Variants in PIK3R5 observed in about 807,000 individuals in gnomAD.
PIK3R5 encodes the protein phosphoinositide-3-kinase regulatory subunit 5.
PIK3R5 carries 32 observed loss-of-function variants against 94.9 expected under a neutral mutation model. The ratio of observed to expected loss-of-function variants is 0.34; its 90% confidence interval spans 0.25 to 0.45. The LOEUF (loss-of-function observed/expected upper bound fraction) is 0.45, where lower values mean the gene tolerates loss of function less well. PIK3R5 is among the 20% of genes least tolerant of loss of function. The pLI is 1.00. For missense variants in PIK3R5, 853 were observed against 1,144.6 expected (o/e 0.75, Z 3.68); for synonymous variants, 443 against 479.4 (o/e 0.92, Z 0.99).
At position 8,886,546 on chromosome 17, in the gene PIK3R5, C is replaced by T. The variant is rs1322314134; in HGVS notation, c.1965G>A (p.Leu655=). Residue 655 remains leucine (L), a synonymous_variant, in exon 13 of 19, where the codon CTG becomes CTA. Transcript: ENST00000447110. ...GGCAGTAGTAGAGTAGCATGTCAGC[C>T]AGGATGGGCAGCTGGGTTGGGGAGC... is the stretch of plus-strand genomic sequence containing the variant. ...LEGSPTQLPI[L]ADMLLYYCRF... is the part of the protein sequence containing the mutation. 2 of 1,612,342 alleles carry T rather than the reference C, an allele frequency of 1.2e-6. No individual in the cohort carries two copies. The highest frequency in any genetic ancestry group is 1.7e-6 in the Non-Finnish European group (2 of 1,179,220).
At chr17:8,959,009 C>T (rs569248968) in intron 1 of PIK3R5, among the ~76,000 whole-genome samples, 75 of 152,262 alleles carry the variant, frequency 4.9e-4, no homozygotes, top group African/African-American at 1.6e-3. Context: ...CTGCCCGCCT[C>T]GGCCTCCCAA....
rs372323615 is a variant in PIK3R5 at position 8,925,342 on chromosome 17, TGATA to T, written c.-13-13839_-13-13836del. Reference sequence around the variant, plus strand: ...GATAGTAGATGGATAGACAGTAGATTGATAGATAGATGGATTGATAGATAGTAGA... The same window carrying T: ...GATAGTAGATGGATAGACAGTAGATTGATAGATGGATTGATAGATAGTAGA... On this transcript the variant is annotated intron_variant, in intron 1 of 18. Coordinates refer to ENST00000447110, the MANE Select transcript of PIK3R5 (RefSeq NM_001142633.3). This position sits in a 1 kb window ranked among gnomAD's most constrained non-coding sequence, Gnocchi z 5.1. 2.1e-3 allele frequency among the ~76,000 whole-genome samples: 306 copies of T among 148,940 alleles called. 3 individuals carry two copies. Among genetic ancestry groups the T allele is most frequent in the African/African-American group, 4.1e-3 (163 of 40,118 alleles).
intron 5 of PIK3R5, among the ~76,000 whole-genome samples, chr17:8,900,527 G>A (rs1481987883): frequency 6.6e-6 from 1 of 152,220 alleles, no homozygotes; most frequent in Admixed American, 6.5e-5. Context: ...CTGCCCTCTT[G>A]GGGCATCTGA....
At chr17:8,937,945 G>A (rs956139007) in intron 1 of PIK3R5, among the ~76,000 whole-genome samples, 2 of 152,176 alleles carry the variant, frequency 1.3e-5, no homozygotes, top group Non-Finnish European at 2.9e-5. Context: ...GAGTAGCTGG[G>A]ATTACAGGCA....
At chr17:8,952,098 A>C (rs2091387402) in intron 1 of PIK3R5, among the ~76,000 whole-genome samples, 1 of 152,248 alleles carries the variant, frequency 6.6e-6, no homozygotes, top group East Asian at 1.9e-4. Context: ...ATGTTGAAGA[A>C]GGCAGAGCAA....
chr17:8,950,869 C>T (rs755115530), intron 1 of PIK3R5, among the ~76,000 whole-genome samples: 1 of 152,166 alleles, frequency 6.6e-6, no homozygotes, highest in Non-Finnish European at 1.5e-5. Context: ...TTTGAGAAAT[C>T]TCCAAACTGC....
chr17:8,947,911 C>T (rs1000864215), intron 1 of PIK3R5, among the ~76,000 whole-genome samples: 4 of 151,760 alleles, frequency 2.6e-5, no homozygotes, highest in East Asian at 1.9e-4. Context: ...GGTGTGGTGG[C>T]GGGCGCCTGT....
intron 1 of PIK3R5, among the ~76,000 whole-genome samples, chr17:8,936,163 A>G (rs2091072714): frequency 6.6e-6 from 1 of 152,068 alleles, no homozygotes; most frequent in Non-Finnish European, 1.5e-5. Flanking sequence ...GAGTTCCTAT[A>G]TACTCCCTCT....
At chr17:8,885,714 C>T (rs1204968249) in intron 14 of PIK3R5, among the ~76,000 whole-genome samples, 5 of 103,900 alleles carry the variant, frequency 4.8e-5, no homozygotes, top group Non-Finnish European at 7.7e-5. Context: ...CCCATGGCCC[C>T]ACCTCCTGGG....
At chr17:8,933,013 A>G (rs1053436135) in intron 1 of PIK3R5, among the ~76,000 whole-genome samples, 2 of 152,194 alleles carry the variant, frequency 1.3e-5, no homozygotes, top group African/African-American at 4.8e-5. Context: ...GACACATTGT[A>G]TGTAGAAAAC....
rs1458057392 is a variant in PIK3R5, at chr17:8,911,423, G to C, written c.72C>G (p.Leu24=). Residue 24 remains leucine (L), a synonymous_variant, in exon 2 of 19, where the codon CTC becomes CTG. Transcript: ENST00000447110. This position sits in a 1 kb window ranked among gnomAD's most constrained non-coding sequence, Gnocchi z 5.3. ...AGGAGGTGGAGCGGCGGCTGAGGCT[G>C]AGTCCATGCAGGCAGCGTTCCAGGG... ...QHALERCLHG[L]SLSRRSTSWS... is the part of the protein sequence containing the mutation. 6.3e-7 allele frequency: 1 copy of C among 1,599,960 alleles called. No individual in the cohort carries two copies. Among genetic ancestry groups the C allele is most frequent in the African/African-American group, 1.3e-5 (1 of 75,044 alleles).
At chr17:8,964,224 T>G (rs987740496) in intron 1 of PIK3R5, among the ~76,000 whole-genome samples, 1 of 152,004 alleles carries the variant, frequency 6.6e-6, no homozygotes, top group African/African-American at 2.4e-5. Flanking sequence ...AAACCCTGCC[T>G]CTACAAAAAA....
rs895034576 is a variant in PIK3R5, at chr17:8,909,318, T to G, written c.104-144A>C. 4 of 580,430 alleles carry G rather than the reference T, an allele frequency of 6.9e-6. No homozygotes were observed. The highest frequency in any genetic ancestry group is 3.8e-5 in the African/African-American group (2 of 52,946). 36.0% of individuals were successfully genotyped at this position (580,430 alleles called of 1,614,324 possible). ...ACTCTTTTTTTTTTTTGAGACAGAG[T>G]CTTGCTCTGTCGCCAGGCTGGAGTG... is the stretch of plus-strand genomic sequence containing the variant. On this transcript the variant is annotated intron_variant, in intron 2 of 18. Coordinates refer to ENST00000447110, the MANE Select transcript of PIK3R5 (RefSeq NM_001142633.3). This position sits in a 1 kb window ranked among gnomAD's most constrained non-coding sequence, Gnocchi z 4.3.
At chr17:8,929,553 T>C (rs1011182327) in intron 1 of PIK3R5, among the ~76,000 whole-genome samples, 1 of 151,926 alleles carries the variant, frequency 6.6e-6, no homozygotes. Context: ...AAGCAAAAAC[T>C]GAGAGAACAG....
chr17:8,920,531 T>C (rs1160996151), intron 1 of PIK3R5, among the ~76,000 whole-genome samples: 1 of 152,232 alleles, frequency 6.6e-6, no homozygotes, highest in Non-Finnish European at 1.5e-5. Flanking sequence ...GATCGCACTC[T>C]CCTTGCTGCC....
At position 8,935,334 on chromosome 17, in the gene PIK3R5, T is replaced by C. The variant is rs1357348564; in HGVS notation, c.-13-23827A>G. Reference sequence around the variant, plus strand: ...CCCGCCCAAATATAGGCCCATGATGTTATGACCATATGAGCAATAGGGGAT... The same window carrying C: ...CCCGCCCAAATATAGGCCCATGATGCTATGACCATATGAGCAATAGGGGAT... On this transcript the variant is annotated intron_variant, in intron 1 of 18. Transcript: ENST00000447110. The surrounding 1 kb of genome is among the most constrained non-coding windows in gnomAD (Gnocchi z 4.5). Among the ~76,000 whole-genome samples the C allele has an allele frequency of 6.6e-6, 1 of 152,166 alleles. No individual in the cohort carries two copies. Among genetic ancestry groups the C allele is most frequent in the Non-Finnish European group, 1.5e-5 (1 of 68,032 alleles).
rs2091061426 is a variant in PIK3R5 at position 8,935,769 on chromosome 17, ACAAGGCCACG to A, written c.-13-24272_-13-24263del. Among the ~76,000 whole-genome samples, 1 of 152,064 alleles carries A rather than the reference ACAAGGCCACG, an allele frequency of 6.6e-6. No individual in the cohort carries two copies. Among genetic ancestry groups the A allele is most frequent in the Non-Finnish European group, 1.5e-5 (1 of 67,998 alleles). On this transcript the variant is annotated intron_variant, in intron 1 of 18. Coordinates refer to ENST00000447110, the MANE Select transcript of PIK3R5 (RefSeq NM_001142633.3). This position sits in a 1 kb window ranked among gnomAD's most constrained non-coding sequence, Gnocchi z 4.5. ...ATCGGATTTCAGTCAACATAAGAAG[ACAAGGCCACG>A]CATGGTGGCTCACGCTTGTAATCCC...
At chr17:8,918,309 A>G (rs1361102000) in intron 1 of PIK3R5, among the ~76,000 whole-genome samples, 1 of 152,246 alleles carries the variant, frequency 6.6e-6, no homozygotes, top group African/African-American at 2.4e-5. Context: ...AACCCAGCAC[A>G]TCTTGTAGTG....
chr17:8,929,176 A>G (rs1486457468), intron 1 of PIK3R5, among the ~76,000 whole-genome samples: 1 of 152,236 alleles, frequency 6.6e-6, no homozygotes, highest in African/African-American at 2.4e-5. Flanking sequence ...TGCAAAACCA[A>G]TAACAAAATA....
Sources: allele counts gnomAD v4.1 joint callset (sites outside exome capture counted in the v4.1 genomes callset), GRCh38; gene constraint gnomAD v4.1.1; non-coding constraint Gnocchi (gnomAD v3.1); transcripts MANE v1.5; gene names NCBI Gene and HGNC (gene_info 2026-07-23, HGNC 2026-07-21).